SLC35F4: variants seen among roughly 807,000 people sequenced by gnomAD.
The protein encoded by SLC35F4 is chromosome 14 open reading frame 36.
A neutral mutation model predicts 44.2 loss-of-function variants in SLC35F4; 24 were observed. That is an observed-to-expected ratio of 0.54 (90% CI 0.39 to 0.76). The LOEUF (loss-of-function observed/expected upper bound fraction) is 0.76, where lower values mean the gene tolerates loss of function less well. Ranked by LOEUF, SLC35F4 falls within the 30% of genes least tolerant of loss-of-function variation. The probability of loss-of-function intolerance (pLI) is 0.00; values close to 1 mark genes in which losing one functional copy is unlikely to be tolerated. For synonymous variants in SLC35F4, 238 were observed against 223.6 expected, an observed-to-expected ratio of 1.06 and a Z score of -0.57; for missense variants, 562 against 586.1, an observed-to-expected ratio of 0.96 and a Z score of 0.42.
At position 57,882,072 on chromosome 14, in the gene SLC35F4, A is replaced by G. The variant is rs537389695; in HGVS notation, n.282+99841T>C. On this transcript the variant is annotated intron_variant and non_coding_transcript_variant, in intron 1 of 1. Coordinates refer to the SLC35F4 transcript ENST00000556568. ...GACCTGGGCTAAGTAGTCCACCTGT[A>G]GCCCCTGCTGAGGAAATGGGAGTGG... Among the ~76,000 whole-genome samples the G allele has an allele frequency of 3.3e-5, 5 of 152,226 alleles. No homozygotes were observed. The South Asian group carries it at 1.0e-3, about 32-fold the overall frequency.
At chr14:57,700,405 A>C (rs1479014916) in intron 1 of SLC35F4, among the ~76,000 whole-genome samples, 1 of 152,188 alleles carries the variant, frequency 6.6e-6, no homozygotes, top group Non-Finnish European at 1.5e-5. Context: ...TGGTAAGTGG[A>C]TGTGAAGTCC....
chr14:57,757,402 T>C (rs1052575371), intron 1 of SLC35F4, among the ~76,000 whole-genome samples: 2 of 152,228 alleles, frequency 1.3e-5, no homozygotes, highest in Admixed American at 1.3e-4. Context: ...CATGTTGATA[T>C]TTGTTTTTAT....
chr14:57,596,836 C>T (rs1477910504), intron 1 of SLC35F4: 3 of 1,367,550 alleles, frequency 2.2e-6, no homozygotes, highest in Non-Finnish European at 2.9e-6. Flanking sequence ...AAGCCCATTG[C>T]CTGCTGCCAG....
At chr14:57,589,096 T>G (rs531513829) in intron 3 of SLC35F4, 120 bp downstream of exon 3, 458 of 1,084,166 alleles carry the variant, frequency 4.2e-4, no homozygotes, top group Non-Finnish European at 5.5e-4. Context: ...TCTCCAACCT[T>G]AGATCTTGTT....
chr14:57,582,642 A>C (rs959553885), intron 3 of SLC35F4, among the ~76,000 whole-genome samples: 2 of 152,160 alleles, frequency 1.3e-5, no homozygotes, highest in African/African-American at 2.4e-5. Flanking sequence ...TTCCCACTCG[A>C]TTGTTCATGA....
intron 1 of SLC35F4, among the ~76,000 whole-genome samples, chr14:57,782,788 T>C (rs1310780165): frequency 6.6e-6 from 1 of 152,194 alleles, no homozygotes; most frequent in African/African-American, 2.4e-5. Flanking sequence ...TGCAATACCA[T>C]AAACTTTGAA....
chr14:57,761,518 T>C (rs2077124306), intron 1 of SLC35F4, among the ~76,000 whole-genome samples: 2 of 152,190 alleles, frequency 1.3e-5, no homozygotes, highest in African/African-American at 4.8e-5. Context: ...AGTAAGTTAT[T>C]ACAATAATTT....
chr14:57,737,946 A>G (rs2076507793), intron 1 of SLC35F4, among the ~76,000 whole-genome samples: 1 of 152,238 alleles, frequency 6.6e-6, no homozygotes, highest in Admixed American at 6.5e-5. Context: ...AGCAAGTACT[A>G]GGGGTAGGCA....
intron 1 of SLC35F4, among the ~76,000 whole-genome samples, chr14:57,680,965 A>G (rs532032821): frequency 3.3e-5 from 5 of 152,174 alleles, no homozygotes; most frequent in East Asian, 1.9e-4. Context: ...TATAAATTCA[A>G]TGTTCTTCCC....
chr14:57,844,058 G>A (rs759512448), intron 1 of SLC35F4, among the ~76,000 whole-genome samples: 2 of 152,012 alleles, frequency 1.3e-5, no homozygotes, highest in Admixed American at 1.3e-4. Flanking sequence ...TTTTATTGAA[G>A]ATAGAAATCG....
In SLC35F4 at chr14:57,960,718, A is replaced by C. The variant is rs928879521; in HGVS notation, n.282+21195T>G. Among the ~76,000 whole-genome samples, 6 of 152,310 alleles carry C rather than the reference A, an allele frequency of 3.9e-5. No individual in the cohort carries two copies. The East Asian group carries it at 7.7e-4, about 20-fold the overall frequency. ...AGAGATTTATTCTCTTCTAAATTTC[A>C]TGAGCAGTTTCCTGGTAGGTAGGCA... On this transcript the variant is annotated intron_variant and non_coding_transcript_variant, in intron 1 of 1. Coordinates refer to the SLC35F4 transcript ENST00000556568.
intron 1 of SLC35F4, among the ~76,000 whole-genome samples, chr14:57,938,875 T>C (rs753699100): frequency 2.6e-5 from 4 of 152,202 alleles, no homozygotes; most frequent in Non-Finnish European, 5.9e-5. Context: ...TTGAGATATA[T>C]TCAGCTTCTG....
chr14:57,691,795 A>C (rs945261098), intron 1 of SLC35F4, among the ~76,000 whole-genome samples: 2 of 152,112 alleles, frequency 1.3e-5, no homozygotes, highest in Non-Finnish European at 2.9e-5. Flanking sequence ...GAGAGACGAG[A>C]TACTTATATA....
At chr14:57,924,919 G>GTT (rs1889523561) in intron 1 of SLC35F4, among the ~76,000 whole-genome samples, 1 of 151,796 alleles carries the variant, frequency 6.6e-6, no homozygotes, top group African/African-American at 2.4e-5. Flanking sequence ...ATTTTTGTTT[G>GTT]TTTGTTTTTG....
At chr14:57,688,727 G>A (rs2075139242) in intron 1 of SLC35F4, among the ~76,000 whole-genome samples, 1 of 152,106 alleles carries the variant, frequency 6.6e-6, no homozygotes, top group Non-Finnish European at 1.5e-5. Context: ...CTGCAGTCAA[G>A]CTTTCCCTGC....
rs904330762 is a variant in SLC35F4, at chr14:57,813,220, C to T, written c.103+52503G>A. 2.6e-5 allele frequency among the ~76,000 whole-genome samples: 4 copies of T among 152,218 alleles called. No homozygotes were observed. In the South Asian group the frequency reaches 6.2e-4, roughly 24 times the overall value. Reference sequence around the variant, plus strand: ...ATGGCCCAACTCCACCCCAACACCACGCCCTACTGGGGCACTCTGCAGTAT... The same window carrying T: ...ATGGCCCAACTCCACCCCAACACCATGCCCTACTGGGGCACTCTGCAGTAT... On this transcript the variant is annotated intron_variant, in intron 1 of 7. Transcript: ENST00000556826.
At chr14:57,754,177 C>T (rs1041449370) in intron 1 of SLC35F4, among the ~76,000 whole-genome samples, 9 of 146,382 alleles carry the variant, frequency 6.1e-5, no homozygotes, top group African/African-American at 2.0e-4. Context: ...GATCTCGGCT[C>T]GCTGCAACCC....
intron 1 of SLC35F4, among the ~76,000 whole-genome samples, chr14:57,945,787 A>AT (rs1389322631): frequency 6.6e-6 from 1 of 151,890 alleles, no homozygotes; most frequent in Non-Finnish European, 1.5e-5. Flanking sequence ...AACATCTATT[A>AT]TTTTTTTATT....
intron 1 of SLC35F4, among the ~76,000 whole-genome samples, chr14:57,827,607 G>A (rs1229909830): frequency 6.6e-6 from 1 of 151,662 alleles, no homozygotes; most frequent in African/African-American, 2.4e-5. Context: ...TATAAAGATG[G>A]AAGGCAAGAG....
Sources: gnomAD v4.1 joint callset for allele counts (sites outside exome capture counted in the v4.1 genomes callset) on GRCh38, gnomAD v4.1.1 for gene constraint, MANE v1.5 for transcripts, NCBI Gene and HGNC (gene_info 2026-07-23, HGNC 2026-07-21) for gene names.